ARSG: variants seen among roughly 807,000 people sequenced by gnomAD.
ARSG encodes the protein ASG.
Under a neutral mutation model 50.5 loss-of-function variants are expected in ARSG, and 37 were observed. The observed-to-expected ratio is 0.73, with a 90% CI of 0.56 to 0.96. The LOEUF (loss-of-function observed/expected upper bound fraction) is 0.96, where lower values mean the gene tolerates loss of function less well. Ranked by LOEUF, ARSG falls within the 50% of genes least tolerant of loss-of-function variation. ARSG has a pLI of 0.00. For missense variants in ARSG, 629 were observed against 675.3 expected (o/e 0.93, Z 0.76); for synonymous variants, 225 against 254.6 (o/e 0.88, Z 1.11).
At chr17:68,335,120 C>T (rs1049573051) in intron 2 of ARSG, among the ~76,000 whole-genome samples, 2 of 152,132 alleles carry the variant, frequency 1.3e-5, no homozygotes, top group Non-Finnish European at 2.9e-5. Flanking sequence ...CCTCAGCCCC[C>T]CAAGTAGCTG....
intron 8 of ARSG, among the ~76,000 whole-genome samples, chr17:68,373,215 G>A (rs1265231823): frequency 7.4e-6 from 1 of 135,472 alleles, no homozygotes; most frequent in Admixed American, 7.8e-5. Flanking sequence ...GCCCGGCCAT[G>A]ATCATTTTTA....
intron 11 of ARSG, among the ~76,000 whole-genome samples, chr17:68,407,350 C>A (rs1399330030): frequency 6.6e-6 from 1 of 152,068 alleles, no homozygotes; most frequent in Non-Finnish European, 1.5e-5. Flanking sequence ...TTTGGCTATG[C>A]AAGCTCTTTT....
intron 1 of ARSG, among the ~76,000 whole-genome samples, chr17:68,269,751 G>T (rs1310753754): frequency 1.5e-5 from 2 of 131,414 alleles, no homozygotes; most frequent in Non-Finnish European, 3.0e-5. Flanking sequence ...TCAGGTCACT[G>T]CAACCTCTGC....
rs557456638 is a variant in ARSG at position 68,378,743 on chromosome 17, T to C, written c.983-6321T>C. ...GCTCCTCTGTCTGGAAAATCTTTTC[T>C]CGTTTTATTTGAAGAGCAGAACTGT... On this transcript the variant is annotated intron_variant, in intron 8 of 11. Transcript: ENST00000621439. This position sits in a 1 kb window ranked among gnomAD's most constrained non-coding sequence, Gnocchi z 4.4. 1.0e-3 allele frequency among the ~76,000 whole-genome samples: 157 copies of C among 152,328 alleles called. No homozygotes were observed. Among genetic ancestry groups the C allele is most frequent in the Non-Finnish European group, 1.7e-3 (118 of 68,032 alleles).
At chr17:68,438,185 G>C in the ARSG span, among the ~76,000 whole-genome samples, 11 of 152,264 alleles carry the variant, frequency 7.2e-5, no homozygotes, top group Admixed American at 2.0e-4. Flanking sequence ...CTTATCACTT[G>C]CCATGCATAG....
At chr17:68,299,046 T>C (rs1320048349) in intron 1 of ARSG, among the ~76,000 whole-genome samples, 1 of 151,870 alleles carries the variant, frequency 6.6e-6, no homozygotes, top group African/African-American at 2.4e-5. Flanking sequence ...ACTGTTTTTC[T>C]TAAGAGAAAG....
At chr17:68,272,631 C>G (rs1555749337) in intron 1 of ARSG, 1 of 1,613,430 alleles carries the variant, frequency 6.2e-7, no homozygotes, top group Non-Finnish European at 8.5e-7. Flanking sequence ...CTGTTGTAGT[C>G]CACCTACCTG....
At chr17:68,411,158 T>C (rs992366853) in intron 11 of ARSG, among the ~76,000 whole-genome samples, 1 of 152,226 alleles carries the variant, frequency 6.6e-6, no homozygotes, top group African/African-American at 2.4e-5. Flanking sequence ...TTTCTTGCCT[T>C]CTGCTAGCTT....
chr17:68,417,474 G>C (rs971519617), intron 11 of ARSG, among the ~76,000 whole-genome samples: 6 of 152,046 alleles, frequency 3.9e-5, no homozygotes, highest in African/African-American at 4.8e-5. Flanking sequence ...GTGCCGCGGT[G>C]GGGGGTGGCG....
intron 2 of ARSG, among the ~76,000 whole-genome samples, chr17:68,331,754 A>C (rs2077782764): frequency 1.3e-5 from 2 of 152,194 alleles, no homozygotes; most frequent in Non-Finnish European, 2.9e-5. Context: ...AAAGGGAAAG[A>C]GTACAAAACA....
At chr17:68,370,344 CT>C in intron 7 of ARSG, 99 bp from the exon 8 acceptor site, 1 of 1,009,162 alleles carries the variant, frequency 9.9e-7, no homozygotes, top group African/African-American at 1.6e-5. Context: ...CTTTTTCTAT[CT>C]AGTTCCTGCT....
upstream of ARSG, among the ~76,000 whole-genome samples, chr17:68,287,953 TTCTCTCTCTC>T (rs150311794): frequency 6.8e-6 from 1 of 146,150 alleles, no homozygotes; most frequent in African/African-American, 2.5e-5. Flanking sequence ...CTCTCTCTCT[TTCTCTCTCTC>T]TCTCTCTCCC....
At chr17:68,411,195 G>A (rs372217691) in intron 11 of ARSG, among the ~76,000 whole-genome samples, 2 of 151,848 alleles carry the variant, frequency 1.3e-5, no homozygotes, top group Non-Finnish European at 2.9e-5. Context: ...TTGCTTTTCT[G>A]GTTCTTTTAA....
At chr17:68,325,207 C>T (rs1303278571) in intron 2 of ARSG, among the ~76,000 whole-genome samples, 1 of 152,058 alleles carries the variant, frequency 6.6e-6, no homozygotes, top group Admixed American at 6.6e-5. Flanking sequence ...AGATCAACAG[C>T]GGCATTAGAT....
At chr17:68,383,773 G>A (rs1465361439) in intron 8 of ARSG, among the ~76,000 whole-genome samples, 1 of 152,202 alleles carries the variant, frequency 6.6e-6, no homozygotes, top group African/African-American at 2.4e-5. Flanking sequence ...CGTGGCCCTC[G>A]ATAGGAAGGA....
chr17:68,352,287 G>A (rs146227353), intron 5 of ARSG, among the ~76,000 whole-genome samples: 1 of 151,256 alleles, frequency 6.6e-6, no homozygotes, highest in East Asian at 1.9e-4. Context: ...CACCAAATAG[G>A]ATGTTTTGAA....
At chr17:68,441,225 C>T in the ARSG span, 1 of 152,214 alleles carries the variant, frequency 6.6e-6, no homozygotes, top group African/African-American at 2.4e-5. Flanking sequence ...TGGCCAAGCT[C>T]TTTAAAGGAA....
At chr17:68,375,771 G>C (rs368665389) in intron 8 of ARSG, among the ~76,000 whole-genome samples, 1 of 152,136 alleles carries the variant, frequency 6.6e-6, no homozygotes, top group Non-Finnish European at 1.5e-5. Flanking sequence ...TGGGAACATC[G>C]GGGAGTAGGA....
At chr17:68,352,031 G>C (rs1411038865) in intron 5 of ARSG, among the ~76,000 whole-genome samples, 1 of 151,656 alleles carries the variant, frequency 6.6e-6, no homozygotes, top group Non-Finnish European at 1.5e-5. Context: ...CATAAGGAGG[G>C]AGGGAGGGAG....
Sources: allele counts gnomAD v4.1 joint callset (sites outside exome capture counted in the v4.1 genomes callset), GRCh38; gene constraint gnomAD v4.1.1; non-coding constraint Gnocchi (gnomAD v3.1); transcripts MANE v1.5; gene names NCBI Gene and HGNC (gene_info 2026-07-23, HGNC 2026-07-21).